Variants in CDK14 observed in about 807,000 individuals in gnomAD.
The protein encoded by CDK14 is cyclin dependent kinase 14.
A neutral mutation model predicts 60.7 loss-of-function variants in CDK14; 34 were observed. The observed-to-expected ratio is 0.56, with a 90% CI of 0.43 to 0.75. The LOEUF (loss-of-function observed/expected upper bound fraction) is 0.75, where lower values mean the gene tolerates loss of function less well. CDK14 is among the 30% of genes least tolerant of loss of function. The pLI, the probability that CDK14 is intolerant of heterozygous loss-of-function variation, is 0.00. For missense variants in CDK14, 482 were observed against 564.1 expected, an observed-to-expected ratio of 0.85 and a Z score of 1.47; for synonymous variants, 197 against 203.7, an observed-to-expected ratio of 0.97 and a Z score of 0.28.
chr7:91,162,145 C>A (rs1308556507), intron 14 of CDK14, among the ~76,000 whole-genome samples: 2 of 152,194 alleles, frequency 1.3e-5, no homozygotes, highest in Non-Finnish European at 2.9e-5. Context: ...TTAGCATGGA[C>A]AGACTTTTGG....
At position 90,957,025 on chromosome 7, in the gene CDK14, T is replaced by C. The variant is rs1285161138; in HGVS notation, c.947+1208T>C. Among the ~76,000 whole-genome samples the C allele has an allele frequency of 4.7e-5, 7 of 150,534 alleles. No individual in the cohort carries two copies. The Admixed American group carries it at 4.7e-4, about 10-fold the overall frequency. On this transcript the variant is annotated intron_variant, in intron 9 of 14. Transcript: ENST00000380050. ...AATCCAGTCTATCATTGTTGGACAT[T>C]TGGGTTGGTTCCAAGTCTTTGCTAT...
At chr7:91,069,860 A>G (rs1459945892) in intron 11 of CDK14, among the ~76,000 whole-genome samples, 1 of 152,198 alleles carries the variant, frequency 6.6e-6, no homozygotes, top group Non-Finnish European at 1.5e-5. Context: ...ACGGTGGCAC[A>G]ATCATGGCTT....
intron 5 of CDK14, among the ~76,000 whole-genome samples, chr7:90,805,074 G>T (rs1181483032): frequency 2.0e-5 from 3 of 152,026 alleles, no homozygotes; most frequent in African/African-American, 7.2e-5. Flanking sequence ...TGACTGTTAG[G>T]ATTTACACTG....
At chr7:90,811,272 T>C (rs563753377) in intron 5 of CDK14, among the ~76,000 whole-genome samples, 2,346 of 152,014 alleles carry the variant, frequency 0.015, 50 homozygotes, top group African/African-American at 0.052. Flanking sequence ...AACAGAGATA[T>C]AGACCAATGG....
intron 12 of CDK14, among the ~76,000 whole-genome samples, chr7:91,089,297 C>T (rs1390561331): frequency 2.0e-5 from 3 of 152,072 alleles, no homozygotes; most frequent in Non-Finnish European, 2.9e-5. Flanking sequence ...TTAAGTTTCT[C>T]AGGGAAAACG....
intron 5 of CDK14, among the ~76,000 whole-genome samples, chr7:90,858,682 A>G (rs932643316): frequency 6.6e-6 from 1 of 152,198 alleles, no homozygotes; most frequent in Non-Finnish European, 1.5e-5. Flanking sequence ...ATACCTTGCC[A>G]TCATTTAAAA....
chr7:90,638,478 T>C (rs746284658), intron 2 of CDK14, among the ~76,000 whole-genome samples: 1 of 152,262 alleles, frequency 6.6e-6, no homozygotes, highest in Non-Finnish European at 1.5e-5. Context: ...TTCTGGCTTT[T>C]AGAGTTTCTG....
chr7:90,763,500 G>A (rs1382934514), intron 4 of CDK14, among the ~76,000 whole-genome samples: 1 of 152,090 alleles, frequency 6.6e-6, no homozygotes, highest in East Asian at 1.9e-4. Flanking sequence ...TTTATTCTAG[G>A]CTGAATTAAA....
chr7:90,717,233 A>G (rs190863640), intron 2 of CDK14, among the ~76,000 whole-genome samples: 5 of 152,262 alleles, frequency 3.3e-5, no homozygotes, highest in African/African-American at 7.2e-5. Context: ...ATATGAGCCT[A>G]TAAACAAAAC....
At chr7:90,657,040 TA>T (rs35350881) in intron 2 of CDK14, among the ~76,000 whole-genome samples, 46,393 of 152,012 alleles carry the variant, frequency 0.31, 7,976 homozygotes, top group East Asian at 0.67. Context: ...AAATATTTTC[TA>T]AAAAATATAA....
At chr7:91,184,555 C>A (rs1043035556) in intron 14 of CDK14, among the ~76,000 whole-genome samples, 2 of 152,058 alleles carry the variant, frequency 1.3e-5, no homozygotes, top group Non-Finnish European at 2.9e-5. Flanking sequence ...TCTTCTTAAT[C>A]AAAGACAGGA....
chr7:90,679,431 TTAA>T (rs2116556023), intron 2 of CDK14, among the ~76,000 whole-genome samples: 1 of 152,368 alleles, frequency 6.6e-6, no homozygotes, highest in Non-Finnish European at 1.5e-5. Context: ...GATAATAATA[TTAA>T]TGACTTACTA....
intron 2 of CDK14, among the ~76,000 whole-genome samples, chr7:90,664,362 A>G (rs1800927816): frequency 6.6e-6 from 1 of 152,182 alleles, no homozygotes; most frequent in Non-Finnish European, 1.5e-5. Flanking sequence ...TAGTTCAACC[A>G]TTGTGGAAGT....
chr7:91,137,386 G>C (rs1204212162), intron 14 of CDK14, among the ~76,000 whole-genome samples: 1 of 152,072 alleles, frequency 6.6e-6, no homozygotes, highest in Non-Finnish European at 1.5e-5. Context: ...GAACCCTACT[G>C]TCTGTCCCTG....
At chr7:91,175,339 A>G (rs2115833713) in intron 14 of CDK14, among the ~76,000 whole-genome samples, 1 of 152,352 alleles carries the variant, frequency 6.6e-6, no homozygotes, top group East Asian at 1.9e-4. Flanking sequence ...AACCGGTATC[A>G]GCTGCTGCAA....
chr7:90,831,598 G>A (rs1200631390), intron 5 of CDK14, among the ~76,000 whole-genome samples: 2 of 152,152 alleles, frequency 1.3e-5, no homozygotes, highest in Non-Finnish European at 2.9e-5. Context: ...GGCTCCACCT[G>A]CAGAATAGAT....
chr7:91,131,028 T>A (rs1420398746), intron 14 of CDK14, among the ~76,000 whole-genome samples: 1 of 152,170 alleles, frequency 6.6e-6, no homozygotes, highest in Non-Finnish European at 1.5e-5. Flanking sequence ...GGTTTCAGAA[T>A]CCAGAATATC....
intron 10 of CDK14, among the ~76,000 whole-genome samples, chr7:91,037,364 T>C (rs1300157963): frequency 2.0e-5 from 3 of 152,184 alleles, no homozygotes; most frequent in Non-Finnish European, 4.4e-5. Context: ...AGAATATACA[T>C]GTACACCTGC....
intron 8 of CDK14, among the ~76,000 whole-genome samples, chr7:90,942,374 G>C (rs1016775886): frequency 2.6e-5 from 4 of 152,176 alleles, no homozygotes; most frequent in Admixed American, 1.3e-4. Flanking sequence ...TGAGAAATCA[G>C]AGGCACAGTT....
Sources: allele counts gnomAD v4.1 joint callset (sites outside exome capture counted in the v4.1 genomes callset), GRCh38; gene constraint gnomAD v4.1.1; transcripts MANE v1.5; gene names NCBI Gene and HGNC (gene_info 2026-07-23, HGNC 2026-07-21).